The following SPOCK1 variants were observed in gnomAD, a reference collection of about 807,000 sequenced individuals.
The protein encoded by SPOCK1 is SPARC (osteonectin), cwcv and kazal like domains proteoglycan 1, also known as testican-1.
A neutral mutation model predicts 55.3 loss-of-function variants in SPOCK1; 23 were observed. That is an observed-to-expected ratio of 0.42 (90% CI 0.30 to 0.59). The LOEUF (loss-of-function observed/expected upper bound fraction) is 0.59, where lower values mean the gene tolerates loss of function less well. Ranked by LOEUF, SPOCK1 falls within the 20% of genes least tolerant of loss-of-function variation. The pLI is 0.22. For synonymous variants in SPOCK1, 226 were observed against 221.0 expected (o/e 1.02, Z -0.20); for missense variants, 499 against 552.5 (o/e 0.90, Z 0.97).
chr5:137,278,689 C>T (rs1275528799), intron 2 of SPOCK1, among the ~76,000 whole-genome samples: 1 of 152,188 alleles, frequency 6.6e-6, no homozygotes, highest in East Asian at 1.9e-4. Flanking sequence ...ATTTCTCCTC[C>T]CCAGCACTGA....
chr5:137,194,545 C>T (rs2127072245), intron 3 of SPOCK1, among the ~76,000 whole-genome samples: 2 of 152,204 alleles, frequency 1.3e-5, no homozygotes, highest in Middle Eastern at 6.8e-3. Context: ...AGGACTCGGC[C>T]CTGTGCCACG....
At chr5:137,217,537 G>A (rs1755741412) in intron 3 of SPOCK1, among the ~76,000 whole-genome samples, 1 of 152,212 alleles carries the variant, frequency 6.6e-6, no homozygotes, top group Non-Finnish European at 1.5e-5. Context: ...CCTCTTCAGG[G>A]ATGGGATGTA....
intron 5 of SPOCK1, among the ~76,000 whole-genome samples, chr5:137,109,299 G>T (rs1753422441): frequency 6.6e-6 from 1 of 152,184 alleles, no homozygotes; most frequent in Non-Finnish European, 1.5e-5. Flanking sequence ...CCCCAGGTTG[G>T]GTGTTCAGCT....
chr5:136,999,700 CAG>C (rs1414203268), intron 6 of SPOCK1, among the ~76,000 whole-genome samples: 1 of 152,122 alleles, frequency 6.6e-6, no homozygotes, highest in South Asian at 2.1e-4. Context: ...GAAAGGGAGA[CAG>C]AGGATAGAAA....
At chr5:137,426,313 T>C (rs1580920744) in intron 2 of SPOCK1, among the ~76,000 whole-genome samples, 2 of 152,200 alleles carry the variant, frequency 1.3e-5, no homozygotes, top group African/African-American at 4.8e-5. Flanking sequence ...GGTGATAAGA[T>C]TATCAACTGC....
intron 2 of SPOCK1, among the ~76,000 whole-genome samples, chr5:137,341,727 G>A (rs975689154): frequency 3.9e-5 from 6 of 152,122 alleles, no homozygotes; most frequent in Admixed American, 6.6e-5. Context: ...GAGTAGAGAC[G>A]ACACTTCCCA....
chr5:137,475,872 C>A (rs1449908584), intron 2 of SPOCK1, among the ~76,000 whole-genome samples: 1 of 151,946 alleles, frequency 6.6e-6, no homozygotes, highest in Non-Finnish European at 1.5e-5. Flanking sequence ...CCAAACTCGG[C>A]CTAAAGGGTA....
intron 2 of SPOCK1, among the ~76,000 whole-genome samples, chr5:137,357,514 A>C (rs1750843203): frequency 6.6e-6 from 1 of 152,140 alleles, no homozygotes; most frequent in Non-Finnish European, 1.5e-5. Flanking sequence ...CTGCTTGTGG[A>C]AGGAGAGGGT....
At chr5:137,068,384 G>C (rs886658920) in intron 5 of SPOCK1, among the ~76,000 whole-genome samples, 32 of 152,180 alleles carry the variant, frequency 2.1e-4, no homozygotes, top group African/African-American at 7.0e-4. Flanking sequence ...AGTTTACACG[G>C]GTCTTCCCCC....
chr5:137,426,865 G>C (rs1471258184), intron 2 of SPOCK1, among the ~76,000 whole-genome samples: 1 of 152,132 alleles, frequency 6.6e-6, no homozygotes, highest in Non-Finnish European at 1.5e-5. Context: ...GATGCCAACG[G>C]ACTTCCATAA....
intron 2 of SPOCK1, among the ~76,000 whole-genome samples, chr5:137,473,008 A>G (rs1393623727): frequency 2.0e-5 from 3 of 152,216 alleles, no homozygotes; most frequent in Non-Finnish European, 4.4e-5. Context: ...GTTGCCGGTT[A>G]AAGGGCAAAA....
intron 2 of SPOCK1, among the ~76,000 whole-genome samples, chr5:137,425,599 C>T (rs1370857333): frequency 6.6e-6 from 1 of 152,184 alleles, no homozygotes; most frequent in Admixed American, 6.5e-5. Context: ...TGTCTGGATG[C>T]TGATCACACA....
intron 4 of SPOCK1, among the ~76,000 whole-genome samples, chr5:137,117,784 G>A (rs1366203113): frequency 6.6e-6 from 1 of 152,036 alleles, no homozygotes; most frequent in East Asian, 1.9e-4. Flanking sequence ...TGGGTGGAGG[G>A]AGCTCCCCTG....
intron 6 of SPOCK1, among the ~76,000 whole-genome samples, chr5:136,993,954 C>T (rs1374515275): frequency 6.6e-6 from 1 of 152,212 alleles, no homozygotes. Context: ...CAGATCCTCT[C>T]CTCATTTTTA....
intron 2 of SPOCK1, among the ~76,000 whole-genome samples, chr5:137,309,917 C>T (rs1275177711): frequency 1.3e-5 from 2 of 152,146 alleles, no homozygotes; most frequent in Non-Finnish European, 2.9e-5. Context: ...CATAGGCATT[C>T]TATAAATAGT....
At chr5:137,288,780 A>G (rs1757313192) in intron 2 of SPOCK1, among the ~76,000 whole-genome samples, 1 of 152,236 alleles carries the variant, frequency 6.6e-6, no homozygotes, top group Non-Finnish European at 1.5e-5. Flanking sequence ...ACAGGACACA[A>G]TGCCATCTGG....
At chr5:137,430,983 T>C (rs1752731727) in intron 2 of SPOCK1, among the ~76,000 whole-genome samples, 1 of 152,190 alleles carries the variant, frequency 6.6e-6, no homozygotes, top group African/African-American at 2.4e-5. Flanking sequence ...TAATTTTTTA[T>C]AAAGACAGTC....
chr5:137,320,746 T>C (rs1192193766), intron 2 of SPOCK1, among the ~76,000 whole-genome samples: 1 of 152,204 alleles, frequency 6.6e-6, no homozygotes, highest in Admixed American at 6.6e-5. Context: ...GCTTGGAATC[T>C]CTAGCTGGGC....
intron 3 of SPOCK1, among the ~76,000 whole-genome samples, chr5:137,230,735 T>C (rs1242645399): frequency 1.3e-5 from 2 of 152,186 alleles, no homozygotes. Context: ...CATATCTTTT[T>C]ATTGAATTTT....
Sources: allele counts gnomAD v4.1 joint callset (sites outside exome capture counted in the v4.1 genomes callset), GRCh38; gene constraint gnomAD v4.1.1; transcripts MANE v1.5; gene names NCBI Gene and HGNC (gene_info 2026-07-23, HGNC 2026-07-21).